Variants in WASHC2A observed in about 807,000 individuals in gnomAD.
The protein encoded by WASHC2A is WASH complex subunit FAM21A.
Under a neutral mutation model 140.3 loss-of-function variants are expected in WASHC2A, and 82 were observed. The observed-to-expected ratio is 0.58, with a 90% confidence interval of 0.49 to 0.70. WASHC2A has a LOEUF of 0.70. Among genes scored for constraint, WASHC2A ranks in the 30% least tolerant of loss-of-function variants. The probability of loss-of-function intolerance (pLI) is 0.00; values close to 1 mark genes in which losing one functional copy is unlikely to be tolerated. For missense variants in WASHC2A, 985 were observed against 1,521.8 expected, an observed-to-expected ratio of 0.65 and a Z score of 5.87; for synonymous variants, 340 against 560.8, an observed-to-expected ratio of 0.61 and a Z score of 5.56.
At chr10:50,072,252 T>TA (rs1179593115) in intron 3 of WASHC2A, among the ~76,000 whole-genome samples, 13 of 149,948 alleles carry the variant, frequency 8.7e-5, no homozygotes. Flanking sequence ...GCTCGGCCCT[T>TA]AGTGTTAAGT....
At chr10:50,124,598 G>A (rs1362215200) in intron 23 of WASHC2A, among the ~76,000 whole-genome samples, 17 of 152,242 alleles carry the variant, frequency 1.1e-4, no homozygotes, top group African/African-American at 4.1e-4. Context: ...AGGAAGGCTT[G>A]TGGTCGCACC....
At position 50,078,745 on chromosome 10, in the gene WASHC2A, T is replaced by C. The variant is rs1304830352; in HGVS notation, c.354+8T>C. The C allele has an allele frequency of 3.4e-5, 55 of 1,611,864 alleles. No homozygotes were observed. Among genetic ancestry groups the C allele is most frequent in the Non-Finnish European group, 4.6e-5 (54 of 1,179,878 alleles). On this transcript the variant is annotated splice_region_variant and intron_variant, in intron 4 of 30. Transcript: ENST00000282633. ...GCAGAAAAAACAGAGCAGGTACTTG[T>C]ATAAAATCACTCTTAGCTGAGTTTC...
chr10:50,124,660 C>T (rs1843273791), intron 23 of WASHC2A, among the ~76,000 whole-genome samples: 1 of 151,962 alleles, frequency 6.6e-6, no homozygotes, highest in South Asian at 2.1e-4. Context: ...ACATACTTGA[C>T]CACTCTGTGT....
intron 30 of WASHC2A, among the ~76,000 whole-genome samples, chr10:50,131,532 C>T (rs1267423196): frequency 4.5e-4 from 68 of 152,308 alleles, no homozygotes; most frequent in Non-Finnish European, 8.4e-4. Flanking sequence ...GGTGTAGGCT[C>T]TACCTCAGGC....
At chr10:50,124,012 C>G (rs1341579390) in intron 23 of WASHC2A, among the ~76,000 whole-genome samples, 1 of 152,056 alleles carries the variant, frequency 6.6e-6, no homozygotes, top group Non-Finnish European at 1.5e-5. Context: ...GTGTTAAACT[C>G]ATTTTTATAT....
chr10:50,104,465 T>G (rs1245977888), intron 18 of WASHC2A, among the ~76,000 whole-genome samples: 11 of 151,688 alleles, frequency 7.3e-5, no homozygotes, highest in African/African-American at 2.7e-4. Context: ...CAGGTGATTC[T>G]CCTGCCTCGA....
Position 50,133,194 on chromosome 10 carries a change from C to G in WASHC2A, c.*249C>G. On this transcript the variant is annotated 3_prime_UTR_variant, in exon 31 of 31. Transcript: ENST00000282633. ...CCACAGTTTGATTTAGTTAGCCTTG[C>G]TGGGGCCATAATATGCTTCAGGGTG... The G allele has an allele frequency of 1.6e-6, 1 of 614,888 alleles. No individual in the cohort carries two copies. Among genetic ancestry groups the G allele is most frequent in the Non-Finnish European group, 2.9e-6 (1 of 342,566 alleles). The allele number at this position is 614,888 out of a possible 1,614,324, so 38.1% of individuals were successfully genotyped here. A position where few individuals can be genotyped will look rare whatever the true frequency, so the allele number is the denominator to read the frequency against.
At chr10:50,120,220 G>A (rs1842913279) in intron 23 of WASHC2A, among the ~76,000 whole-genome samples, 1 of 147,682 alleles carries the variant, frequency 6.8e-6, no homozygotes, top group African/African-American at 2.6e-5. Context: ...AGCCTATTTG[G>A]GCTCTGTCAT....
chr10:50,131,221 A>C (rs1035806067), intron 30 of WASHC2A, 143 bp downstream of exon 30: 2 of 723,984 alleles, frequency 2.8e-6, no homozygotes, highest in Admixed American at 4.0e-5. Flanking sequence ...TAGGCTGAAG[A>C]TAGGTAAGAG....
At position 50,132,163 on chromosome 10, in the gene WASHC2A, C is replaced by T. The variant is rs571902761; in HGVS notation, c.3887-643C>T. 4.6e-5 allele frequency among the ~76,000 whole-genome samples: 7 copies of T among 152,356 alleles called. No individual in the cohort carries two copies. In the South Asian group the frequency reaches 8.3e-4, roughly 18 times the overall value. ...GCCATTAGCCTGTTGACGGCAATCT[C>T]AGTTGTTTCTGTTTTCTTTATTACA... On this transcript the variant is annotated intron_variant, in intron 30 of 30. Coordinates refer to ENST00000282633, the MANE Select transcript of WASHC2A (RefSeq NM_001005751.3).
chr10:50,073,151 T>C (rs1257891623), intron 3 of WASHC2A, among the ~76,000 whole-genome samples: 1 of 152,206 alleles, frequency 6.6e-6, no homozygotes, highest in East Asian at 1.9e-4. Flanking sequence ...GCCTTAATTA[T>C]CTGTTAATTT....
chr10:50,101,589 A>G (rs1256410674), intron 17 of WASHC2A, among the ~76,000 whole-genome samples: 4 of 152,288 alleles, frequency 2.6e-5, no homozygotes, highest in African/African-American at 9.6e-5. Context: ...AGTGCTTGGC[A>G]TGTTGTAAGC....
chr10:50,072,308 G>A (rs1419867691), intron 3 of WASHC2A, among the ~76,000 whole-genome samples: 4 of 151,610 alleles, frequency 2.6e-5, no homozygotes, highest in Admixed American at 2.0e-4. Context: ...ACTCTTCTCC[G>A]GATGTGCTGG....
At chr10:50,116,768 T>G (rs1336543256) in intron 21 of WASHC2A, among the ~76,000 whole-genome samples, 13 of 150,886 alleles carry the variant, frequency 8.6e-5, no homozygotes, top group African/African-American at 2.7e-4. Flanking sequence ...TTTACTTATC[T>G]CTTCCTAACT....
At chr10:50,100,878 C>T (rs1452470011) in intron 17 of WASHC2A, among the ~76,000 whole-genome samples, 1 of 152,310 alleles carries the variant, frequency 6.6e-6, no homozygotes, top group African/African-American at 2.4e-5. Flanking sequence ...TCCTGAGTCT[C>T]TCAGGCCTAG....
chr10:50,111,442 G>A (rs1279810997), intron 20 of WASHC2A, among the ~76,000 whole-genome samples: 1 of 151,984 alleles, frequency 6.6e-6, no homozygotes, highest in Non-Finnish European at 1.5e-5. Flanking sequence ...GTTCCTGTCT[G>A]AATAACCTTG....
chr10:50,070,147 C>T (rs1398071996), intron 3 of WASHC2A, among the ~76,000 whole-genome samples: 8 of 152,190 alleles, frequency 5.3e-5, no homozygotes, highest in Non-Finnish European at 1.2e-4. Context: ...GCAATACTCT[C>T]AACTAAAGTT....
intron 18 of WASHC2A, among the ~76,000 whole-genome samples, chr10:50,105,989 A>G (rs1218716175): frequency 2.6e-5 from 4 of 152,220 alleles, no homozygotes; most frequent in African/African-American, 4.8e-5. Flanking sequence ...TCCCGTGCCC[A>G]TTGCAGGCTG....
intron 2 of WASHC2A, 185 bp from the exon 3 acceptor site, chr10:50,069,362 T>C: frequency 1.2e-6 from 1 of 816,452 alleles, no homozygotes; most frequent in East Asian, 3.4e-5. Context: ...GGAGGTGCAG[T>C]GAGCCGAGAT....
Sources: allele counts gnomAD v4.1 joint callset (sites outside exome capture counted in the v4.1 genomes callset), GRCh38; gene constraint gnomAD v4.1.1; transcripts MANE v1.5; gene names NCBI Gene and HGNC (gene_info 2026-07-23, HGNC 2026-07-21).